Variants in CDH18 observed in about 807,000 individuals in gnomAD.
CDH18 encodes cadherin-18.
In CDH18, 31 loss-of-function variants were observed where a neutral mutation model predicts 67.9. The ratio of observed to expected loss-of-function variants is 0.46; its 90% CI spans 0.34 to 0.62. The LOEUF (loss-of-function observed/expected upper bound fraction) is 0.62, where lower values mean the gene tolerates loss of function less well. CDH18 is among the 20% of genes least tolerant of loss of function. CDH18 has a pLI of 0.01. For synonymous variants in CDH18, 362 were observed against 347.2 expected (o/e 1.04, Z -0.48); for missense variants, 890 against 975.5 (o/e 0.91, Z 1.17).
chr5:19,726,119 T>C (rs967298277), intron 4 of CDH18, among the ~76,000 whole-genome samples: 10 of 152,224 alleles, frequency 6.6e-5, no homozygotes, highest in East Asian at 1.9e-4. Flanking sequence ...GGGGTGTCTA[T>C]AAAAGTCCAG....
At chr5:19,854,606 C>T (rs1055387905) in intron 2 of CDH18, among the ~76,000 whole-genome samples, 1 of 151,872 alleles carries the variant, frequency 6.6e-6, no homozygotes, top group Non-Finnish European at 1.5e-5. Flanking sequence ...TAAAAGTTCA[C>T]CTGTTAACAT....
intron 5 of CDH18, among the ~76,000 whole-genome samples, chr5:19,664,113 A>C (rs1757582097): frequency 6.6e-6 from 1 of 151,948 alleles, no homozygotes; most frequent in African/African-American, 2.4e-5. Flanking sequence ...ATCTAATTAT[A>C]ATATAACATG....
intron 1 of CDH18, among the ~76,000 whole-genome samples, chr5:20,487,327 T>C (rs1234721920): frequency 1.3e-5 from 2 of 150,456 alleles, no homozygotes; most frequent in South Asian, 2.1e-4. Flanking sequence ...TGGAGATACA[T>C]ATATATAAAC....
chr5:20,526,856 C>G (rs1464918176), intron 1 of CDH18, among the ~76,000 whole-genome samples: 2 of 152,068 alleles, frequency 1.3e-5, no homozygotes, highest in Non-Finnish European at 2.9e-5. Context: ...CAAAAGCCAG[C>G]ATGCCTCTTC....
chr5:20,017,929 G>A (rs1738021347), intron 2 of CDH18, among the ~76,000 whole-genome samples: 1 of 152,118 alleles, frequency 6.6e-6, no homozygotes, highest in Non-Finnish European at 1.5e-5. Flanking sequence ...CACTGTATGA[G>A]TTCCATATTC....
chr5:19,713,478 A>G (rs1221034100), intron 5 of CDH18, among the ~76,000 whole-genome samples: 2 of 152,140 alleles, frequency 1.3e-5, no homozygotes, highest in Non-Finnish European at 2.9e-5. Flanking sequence ...TGTTTCATCT[A>G]GGGCTACAAC....
At position 20,573,783 on chromosome 5, in the gene CDH18, C is replaced by T. The variant is rs183238454; in HGVS notation, c.-580+1679G>A. Among the ~76,000 whole-genome samples the T allele has an allele frequency of 4.4e-5, 6 of 135,284 alleles. No homozygotes were observed. In the East Asian group the frequency reaches 1.4e-3, roughly 33 times the overall value. The allele number at this position is 135,284 out of a possible 152,430, so 88.8% of individuals were successfully genotyped here. ...CTCAGTTAACGGTTTGGCATTTGTC[C>T]CCCAAATATAATACTTAAAAGAAAT... On this transcript the variant is annotated intron_variant, in intron 1 of 14. Coordinates refer to the CDH18 transcript ENST00000507958.
At chr5:20,461,463 T>C (rs1277867321) in intron 1 of CDH18, among the ~76,000 whole-genome samples, 1 of 152,184 alleles carries the variant, frequency 6.6e-6, no homozygotes, top group African/African-American at 2.4e-5. Context: ...TCTGAGGCTA[T>C]GCCCTGGGAG....
At chr5:20,189,627 G>T (rs1158220200) in intron 2 of CDH18, among the ~76,000 whole-genome samples, 6 of 152,078 alleles carry the variant, frequency 3.9e-5, no homozygotes, top group Admixed American at 3.9e-4. Context: ...ATAAGTTATT[G>T]AACCAAGGTC....
At chr5:20,468,453 A>T (rs913232827) in intron 1 of CDH18, among the ~76,000 whole-genome samples, 1 of 152,150 alleles carries the variant, frequency 6.6e-6, no homozygotes, top group African/African-American at 2.4e-5. Flanking sequence ...TAAGTATATC[A>T]TGATGTTTTC....
At chr5:20,268,630 G>A (rs1745218778) in intron 1 of CDH18, among the ~76,000 whole-genome samples, 1 of 152,106 alleles carries the variant, frequency 6.6e-6, no homozygotes, top group African/African-American at 2.4e-5. Flanking sequence ...GGGAGGTTGA[G>A]GTGGGAGGAT....
intron 2 of CDH18, among the ~76,000 whole-genome samples, chr5:20,140,196 T>A (rs1429630223): frequency 6.6e-6 from 1 of 152,170 alleles, no homozygotes; most frequent in Admixed American, 6.6e-5. Context: ...GAAACCATCA[T>A]TCTGAGCAAA....
intron 2 of CDH18, among the ~76,000 whole-genome samples, chr5:19,916,622 T>G (rs559870513): frequency 3.3e-5 from 5 of 152,342 alleles, no homozygotes; most frequent in African/African-American, 1.2e-4. Context: ...TCTCCTGTGT[T>G]ATTGAGGTAG....
chr5:19,995,215 A>C (rs1444082764), intron 2 of CDH18, among the ~76,000 whole-genome samples: 1 of 152,064 alleles, frequency 6.6e-6, no homozygotes, highest in African/African-American at 2.4e-5. Flanking sequence ...CAGCTATCTA[A>C]GCATCACTTA....
chr5:19,906,902 C>T (rs1790601312), intron 2 of CDH18, among the ~76,000 whole-genome samples: 1 of 151,966 alleles, frequency 6.6e-6, no homozygotes, highest in Admixed American at 6.6e-5. Flanking sequence ...TTGTATATAT[C>T]AGCTATCATA....
At chr5:19,780,156 A>G (rs1024379013) in intron 3 of CDH18, among the ~76,000 whole-genome samples, 1 of 152,104 alleles carries the variant, frequency 6.6e-6, no homozygotes, top group African/African-American at 2.4e-5. Flanking sequence ...CATAACTTCA[A>G]CTGAAGTCAT....
intron 2 of CDH18, among the ~76,000 whole-genome samples, chr5:20,195,000 T>C (rs1738857651): frequency 6.6e-6 from 1 of 152,086 alleles, no homozygotes; most frequent in Non-Finnish European, 1.5e-5. Flanking sequence ...ATAAATTAAA[T>C]GGTGTGATTT....
intron 3 of CDH18, among the ~76,000 whole-genome samples, chr5:19,747,866 T>G (rs1263989904): frequency 6.6e-6 from 1 of 151,328 alleles, no homozygotes; most frequent in Non-Finnish European, 1.5e-5. Context: ...CCCAGCACTT[T>G]GGGAGGCCGA....
chr5:19,611,467 A>G (rs1235053053), intron 6 of CDH18, among the ~76,000 whole-genome samples: 1 of 152,178 alleles, frequency 6.6e-6, no homozygotes, highest in East Asian at 1.9e-4. Context: ...TTTTAGTTGA[A>G]GTAAGGACGT....
Sources: allele counts gnomAD v4.1 joint callset (sites outside exome capture counted in the v4.1 genomes callset), GRCh38; gene constraint gnomAD v4.1.1; transcripts MANE v1.5; gene names NCBI Gene and HGNC (gene_info 2026-07-23, HGNC 2026-07-21).